The following ROCK1 variants were observed in gnomAD, a reference collection of about 807,000 sequenced individuals.
The protein encoded by ROCK1 is rho-associated protein kinase 1.
ROCK1 carries 36 observed loss-of-function variants against 196.8 expected under a neutral mutation model. That is an observed-to-expected ratio of 0.18 (90% CI 0.14 to 0.24). The LOEUF is 0.24. ROCK1 is among the 10% of genes least tolerant of loss of function. The pLI, the probability that ROCK1 is intolerant of heterozygous loss-of-function variation, is 1.00. For synonymous variants in ROCK1, 443 were observed against 515.9 expected, an observed-to-expected ratio of 0.86 and a Z score of 1.91; for missense variants, 920 against 1,562.0, an observed-to-expected ratio of 0.59 and a Z score of 6.93.
intron 4 of ROCK1, among the ~76,000 whole-genome samples, chr18:21,046,555 G>T (rs953777655): frequency 2.6e-5 from 4 of 152,206 alleles, no homozygotes; most frequent in Non-Finnish European, 4.4e-5. Flanking sequence ...TAACACAGAA[G>T]TAGGAGGAAG....
At chr18:21,001,913 A>AT (rs1373871648) in intron 16 of ROCK1, among the ~76,000 whole-genome samples, 27 of 152,196 alleles carry the variant, frequency 1.8e-4, no homozygotes, top group African/African-American at 6.0e-4. Flanking sequence ...TTACATTAGA[A>AT]AACGGATCAA....
chr18:20,952,707 G>T (rs1315361895), intron 32 of ROCK1, among the ~76,000 whole-genome samples: 1 of 150,944 alleles, frequency 6.6e-6, no homozygotes, highest in African/African-American at 2.4e-5. Flanking sequence ...CTTGGGAGGT[G>T]GAGGTTGCAG....
rs143211178 is a variant in ROCK1 at position 20,985,249 on chromosome 18, T to G, written c.2305-714A>C. ...TCAACAAATATTTCTGAAGTGTTTA[T>G]TAGGTGTTGGGACCAATGAACTCAA... On this transcript the variant is annotated intron_variant, in intron 19 of 32. Transcript: ENST00000399799. 1.4e-3 allele frequency among the ~76,000 whole-genome samples: 211 copies of G among 152,332 alleles called. 1 individual carries two copies. The highest frequency in any genetic ancestry group is 4.8e-3 in the African/African-American group (201 of 41,570).
At chr18:21,109,200 T>C (rs904733420) in intron 1 of ROCK1, among the ~76,000 whole-genome samples, 1 of 152,226 alleles carries the variant, frequency 6.6e-6, no homozygotes, top group Non-Finnish European at 1.5e-5. Context: ...TCTGTGTATA[T>C]ATGTGAGACA....
chr18:21,071,508 T>C (rs752290800), intron 1 of ROCK1, among the ~76,000 whole-genome samples: 1 of 152,124 alleles, frequency 6.6e-6, no homozygotes, highest in Non-Finnish European at 1.5e-5. Context: ...TATTTAAATA[T>C]TATCTAAGCA....
intron 1 of ROCK1, among the ~76,000 whole-genome samples, chr18:21,091,371 G>A (rs539943079): frequency 3.3e-5 from 5 of 152,180 alleles, no homozygotes; most frequent in Non-Finnish European, 5.9e-5. Flanking sequence ...CTGGGAGGCC[G>A]AGGTGGGTGG....
At chr18:21,078,083 C>T (rs2036449366) in intron 1 of ROCK1, among the ~76,000 whole-genome samples, 1 of 152,200 alleles carries the variant, frequency 6.6e-6, no homozygotes, top group Non-Finnish European at 1.5e-5. Context: ...AATCCCAGCA[C>T]TTTGGGAGGC....
rs149189365 is a variant in ROCK1 at position 21,025,469 on chromosome 18, G to A, written c.1212-1789C>T. On this transcript the variant is annotated intron_variant, in intron 10 of 32. Coordinates refer to ENST00000399799, the MANE Select transcript of ROCK1 (RefSeq NM_005406.3). ...GTGCAGTGGCTCACACCTGTAATCC[G>A]CTGGGATTACTTTGGGAGGCCAAGG... is the stretch of plus-strand genomic sequence containing the variant. Among the ~76,000 whole-genome samples, 55 of 152,208 alleles carry A rather than the reference G, an allele frequency of 3.6e-4. No individual in the cohort carries two copies. In the East Asian group the frequency reaches 7.9e-3, roughly 22 times the overall value.
intron 32 of ROCK1, among the ~76,000 whole-genome samples, chr18:20,951,604 A>G (rs2035188561): frequency 6.6e-6 from 1 of 152,206 alleles, no homozygotes; most frequent in Admixed American, 6.5e-5. Flanking sequence ...CTCATTTCAA[A>G]TCATTTTAGA....
chr18:20,999,314 AAATT>A (rs1265006834), intron 16 of ROCK1, among the ~76,000 whole-genome samples: 2 of 152,324 alleles, frequency 1.3e-5, no homozygotes, highest in Admixed American at 6.5e-5. Flanking sequence ...AATTAAAAAT[AAATT>A]AATGGGCAAG....
At chr18:21,105,496 C>G (rs2036695458) in intron 1 of ROCK1, among the ~76,000 whole-genome samples, 1 of 152,094 alleles carries the variant, frequency 6.6e-6, no homozygotes, top group Non-Finnish European at 1.5e-5. Flanking sequence ...GAGTAATATA[C>G]CCCCAAAACA....
intron 18 of ROCK1, 24 bp from the exon 19 acceptor site, chr18:20,987,134 CAT>C: frequency 3.1e-6 from 5 of 1,604,900 alleles, no homozygotes; most frequent in Non-Finnish European, 4.2e-6. Context: ...AAGTTACAAA[CAT>C]ACATTTAAAG....
chr18:21,039,965 G>C (rs1028503052), intron 8 of ROCK1, among the ~76,000 whole-genome samples: 1 of 152,166 alleles, frequency 6.6e-6, no homozygotes, highest in Non-Finnish European at 1.5e-5. Flanking sequence ...GCTGAGACAG[G>C]AGAATCGCTT....
At chr18:21,088,962 G>C (rs2143581265) in intron 1 of ROCK1, among the ~76,000 whole-genome samples, 1 of 151,980 alleles carries the variant, frequency 6.6e-6, no homozygotes, top group South Asian at 2.1e-4. Context: ...ACCCAGTCTT[G>C]GTTCTGTTAT....
In ROCK1 at chr18:21,045,479, G is replaced by C; in HGVS notation, c.415-12C>G. ...AATGCATAAAAAAGCTATACAAATA[G>C]AAAAAACAAACAAAACACATTCATT... On this transcript the variant is annotated splice_polypyrimidine_tract_variant and intron_variant, in intron 4 of 32. Transcript: ENST00000399799. 1 of 1,551,632 alleles carries C rather than the reference G, an allele frequency of 6.4e-7. No individual in the cohort carries two copies. The highest frequency in any genetic ancestry group is 2.3e-5 in the East Asian group (1 of 42,968).
At chr18:20,977,332 C>T (rs1272841340) in intron 22 of ROCK1, among the ~76,000 whole-genome samples, 1 of 152,228 alleles carries the variant, frequency 6.6e-6, no homozygotes, top group Admixed American at 6.5e-5. Context: ...TGTAATCTGA[C>T]TCAGTTTTCT....
At chr18:21,053,067 A>G (rs962272665) in intron 2 of ROCK1, among the ~76,000 whole-genome samples, 1 of 152,166 alleles carries the variant, frequency 6.6e-6, no homozygotes, top group African/African-American at 2.4e-5. Flanking sequence ...AAACAACTCA[A>G]AATTGGTTAT....
chr18:21,052,642 A>G (rs2036213272), intron 2 of ROCK1, among the ~76,000 whole-genome samples: 1 of 152,316 alleles, frequency 6.6e-6, no homozygotes, highest in African/African-American at 2.4e-5. Context: ...ACCTCCTGTC[A>G]GATCAGCAGC....
chr18:21,110,710 C>G (rs1335121135), intron 1 of ROCK1, 108 bp downstream of exon 1: 1 of 847,220 alleles, frequency 1.2e-6, no homozygotes, highest in Non-Finnish European at 2.0e-6. Context: ...CTAGCATTTT[C>G]CAAGACGATT....
Sources: allele counts gnomAD v4.1 joint callset (sites outside exome capture counted in the v4.1 genomes callset), GRCh38; gene constraint gnomAD v4.1.1; transcripts MANE v1.5; gene names NCBI Gene and HGNC (gene_info 2026-07-23, HGNC 2026-07-21).